DNAH12: variants seen among roughly 807,000 people sequenced by gnomAD.
DNAH12 encodes axonemal beta dynein heavy chain 12.
Under a neutral mutation model 371.5 loss-of-function variants are expected in DNAH12, and 285 were observed. The observed-to-expected ratio is 0.77, with a 90% CI of 0.70 to 0.85. The LOEUF is 0.85. Among genes scored for constraint, DNAH12 ranks in the 40% least tolerant of loss-of-function variants. DNAH12 has a pLI of 0.00. For synonymous variants in DNAH12, 1,200 were observed against 1,213.0 expected, an observed-to-expected ratio of 0.99 and a Z score of 0.22; for missense variants, 3,611 against 3,689.4, an observed-to-expected ratio of 0.98 and a Z score of 0.55.
chr3:57,426,305 C>G (rs1428678615), intron 34 of DNAH12, among the ~76,000 whole-genome samples: 1 of 151,846 alleles, frequency 6.6e-6, no homozygotes, highest in East Asian at 1.9e-4. Context: ...GAAGAGAGTT[C>G]CAAGGGAGGG....
Position 57,336,838 on chromosome 3 carries a change from C to A in DNAH12, c.9675-1898G>T, listed in dbSNP as rs147929939. Among the ~76,000 whole-genome samples the A allele has an allele frequency of 9.3e-4, 142 of 152,296 alleles. 1 individual carries two copies. The highest frequency in any genetic ancestry group is 3.4e-3 in the African/African-American group (142 of 41,560). On this transcript the variant is annotated intron_variant, in intron 60 of 73. Coordinates refer to ENST00000495027, the MANE Select transcript of DNAH12 (RefSeq NM_001366028.2). ...TGAGGTCATATGGCTAACTCACTAC[C>A]TCCCAACTGGTAAGAGACAGATAAA... is the stretch of plus-strand genomic sequence containing the variant.
At position 57,389,822 on chromosome 3, in the gene DNAH12, GTATA is replaced by G. The variant is rs1191113593; in HGVS notation, c.7305+2046_7305+2049del. 1.9e-3 allele frequency among the ~76,000 whole-genome samples: 87 copies of G among 45,858 alleles called. 4 individuals carry two copies. The highest frequency in any genetic ancestry group is 2.5e-3 in the African/African-American group (57 of 22,712). 30.1% of individuals were successfully genotyped at this position (45,858 alleles called of 152,430 possible). On this transcript the variant is annotated intron_variant, in intron 45 of 73. Coordinates refer to ENST00000495027, the MANE Select transcript of DNAH12 (RefSeq NM_001366028.2). ...TATGTGTGTGTGTGTGTGTGTGTGT[GTATA>G]TATATATATATATAATACTTTTTTT...
At chr3:57,328,808 A>C (rs1482144331) in intron 62 of DNAH12, among the ~76,000 whole-genome samples, 93 of 129,894 alleles carry the variant, frequency 7.2e-4, no homozygotes, top group Middle Eastern at 3.8e-3. Flanking sequence ...ATATCTAGAA[A>C]ACCCCATTGT....
intron 25 of DNAH12, among the ~76,000 whole-genome samples, chr3:57,447,074 A>C (rs1234901897): frequency 6.6e-6 from 1 of 152,196 alleles, no homozygotes; most frequent in Non-Finnish European, 1.5e-5. Context: ...AGAAAGTGAG[A>C]GCTATAAATG....
chr3:57,428,267 G>T (rs1242761983), intron 34 of DNAH12: 2 of 823,110 alleles, frequency 2.4e-6, no homozygotes, highest in African/African-American at 1.9e-5. Flanking sequence ...TGTTATGACA[G>T]CCCTGGGAAG....
chr3:57,323,002 C>T lies in DNAH12; in HGVS notation c.10383+5G>A, dbSNP rs2061842850. On this transcript the variant is annotated splice_donor_5th_base_variant and intron_variant, in intron 64 of 73. Transcript: ENST00000495027. Reference sequence around the variant, plus strand: ...GTACTTAACTCTATAAGGAAATAAACATACTTTTGAAGATGGATAGCTTGT... The same window carrying T: ...GTACTTAACTCTATAAGGAAATAAATATACTTTTGAAGATGGATAGCTTGT... The T allele has an allele frequency of 1.3e-6, 2 of 1,551,272 alleles. No individual in the cohort carries two copies. Among genetic ancestry groups the T allele is most frequent in the Non-Finnish European group, 1.7e-6 (2 of 1,146,862 alleles).
At chr3:57,355,380 A>C (rs1431828837) in intron 59 of DNAH12, among the ~76,000 whole-genome samples, 3 of 152,156 alleles carry the variant, frequency 2.0e-5, no homozygotes, top group Admixed American at 1.3e-4. Flanking sequence ...CCCTAAAATG[A>C]AATATAAAAA....
At chr3:57,521,612 G>A (rs549037444) in intron 4 of DNAH12, among the ~76,000 whole-genome samples, 230 of 152,352 alleles carry the variant, frequency 1.5e-3, no homozygotes, top group African/African-American at 5.2e-3. Context: ...TAGAGGCTGG[G>A]TGCGGTGGCT....
In DNAH12 at chr3:57,322,364, C is replaced by A. The variant is rs757419841; in HGVS notation, c.10503G>T (p.Lys3501Asn). ...TTACCAGTTCCTTTCCACGGCATCC[C>A]TTGAAAAACTCAGGATCAGAAACTG... Reference protein sequence around the residue: ...TDPVSDPEFFKGCRGKELAWE... With the variant: ...TDPVSDPEFFNGCRGKELAWE... The change falls in exon 65 of 74, where the codon AAG becomes AAT. Residue 3501 changes from lysine to asparagine, a missense_variant. Physicochemically the swap from Lys to Asn is moderately conservative, Grantham distance 94. Coordinates refer to ENST00000495027, the MANE Select transcript of DNAH12 (RefSeq NM_001366028.2). 8 of 1,551,264 alleles carry A rather than the reference C, an allele frequency of 5.2e-6. No individual in the cohort carries two copies. The highest frequency in any genetic ancestry group is 2.4e-5 in the South Asian group (2 of 83,906).
At chr3:57,332,963 T>G (rs1462806419) in intron 62 of DNAH12, among the ~76,000 whole-genome samples, 2 of 152,124 alleles carry the variant, frequency 1.3e-5, no homozygotes. Context: ...TTAAACAATA[T>G]TTGAAAGGAA....
At chr3:57,326,508 C>T (rs893233129) in intron 62 of DNAH12, among the ~76,000 whole-genome samples, 10 of 152,114 alleles carry the variant, frequency 6.6e-5, no homozygotes, top group Non-Finnish European at 1.0e-4. Flanking sequence ...CAAACAAATG[C>T]TGAGCAATTT....
chr3:57,387,412 T>C (rs2063517131), intron 45 of DNAH12, among the ~76,000 whole-genome samples, 193 bp from the exon 46 acceptor site: 9 of 152,146 alleles, frequency 5.9e-5, no homozygotes. Context: ...TATTCTTATA[T>C]ATTAAAATGA....
intron 9 of DNAH12, among the ~76,000 whole-genome samples, chr3:57,503,397 T>G (rs983928737): frequency 9.9e-5 from 15 of 151,610 alleles, no homozygotes; most frequent in African/African-American, 3.4e-4. Context: ...ATTATTGGTT[T>G]TTTTTTTTTT....
Position 57,408,492 on chromosome 3 carries a change from C to G in DNAH12, c.6064G>C (p.Glu2022Gln), listed in dbSNP as rs924014926. 2.4e-5 allele frequency: 37 copies of G among 1,550,746 alleles called. No homozygotes were observed. In the Admixed American group the frequency reaches 6.7e-4, roughly 28 times the overall value. The change falls in exon 40 of 74, where the codon GAG (glutamate) becomes CAG (glutamine). Residue 2022 changes from glutamate (E) to glutamine (Q), a missense_variant. Around this residue, in one of 3 missense-constraint regions of DNAH12, gnomAD observed 2,266 missense variants for 2,236.9 expected, o/e 1.01. Coordinates refer to ENST00000495027, the MANE Select transcript of DNAH12 (RefSeq NM_001366028.2). The stretch of plus-strand genomic sequence containing the variant: ...GGAGGGCCCATTGCAGCAATCAGCT[C>G]TATGTCCACCAGCGTGATTTTACTT... ...DTSKITLVDI[E>Q]LIAAMGPPGG...
intron 17 of DNAH12, among the ~76,000 whole-genome samples, 193 bp from the exon 18 acceptor site, chr3:57,463,068 C>A (rs1387295233): frequency 6.6e-6 from 1 of 151,756 alleles, no homozygotes; most frequent in Non-Finnish European, 1.5e-5. Context: ...AAGTTCCCTG[C>A]AAAAATAAGC....
chr3:57,341,854 G>C (rs1202986074), intron 60 of DNAH12, among the ~76,000 whole-genome samples: 1 of 136,758 alleles, frequency 7.3e-6, no homozygotes, highest in Middle Eastern at 3.5e-3. Flanking sequence ...ACAGTACCAG[G>C]CTTCGAAATA....
intron 12 of DNAH12, among the ~76,000 whole-genome samples, chr3:57,484,326 T>C (rs2066855752): frequency 6.6e-6 from 1 of 152,194 alleles, no homozygotes; most frequent in Non-Finnish European, 1.5e-5. Context: ...ATATCCCATG[T>C]AGGATATGAA....
chr3:57,423,798 G>A (rs984670157), intron 35 of DNAH12, among the ~76,000 whole-genome samples: 1 of 152,080 alleles, frequency 6.6e-6, no homozygotes, highest in African/African-American at 2.4e-5. Context: ...CCACCTAGCT[G>A]GCTGGATGCC....
intron 35 of DNAH12, among the ~76,000 whole-genome samples, chr3:57,423,870 CT>C (rs1309710806): frequency 7.9e-5 from 12 of 152,026 alleles, no homozygotes; most frequent in African/African-American, 2.4e-4. Flanking sequence ...TCCTGAGTAA[CT>C]GGGACTACAG....
Sources: gnomAD v4.1 joint callset for allele counts (sites outside exome capture counted in the v4.1 genomes callset) on GRCh38, gnomAD v4.1.1 for gene constraint, gnomAD v4.1.1 regional missense constraint, MANE v1.5 for transcripts, NCBI Gene and HGNC (gene_info 2026-07-23, HGNC 2026-07-21) for gene names.